Variants in ATP1A3 observed in about 807,000 individuals in gnomAD.
ATP1A3 encodes the protein ATPase Na+/K+ transporting subunit alpha 3, also known as sodium/potassium-transporting ATPase subunit alpha-3.
In ATP1A3, 12 loss-of-function variants were observed where a neutral mutation model predicts 108.8. The ratio of observed to expected loss-of-function variants is 0.11; its 90% confidence interval spans 0.07 to 0.18. The LOEUF (loss-of-function observed/expected upper bound fraction) is 0.18. ATP1A3 is among the 10% of genes least tolerant of loss of function. The pLI, the probability that ATP1A3 is intolerant of heterozygous loss-of-function variation, is 1.00. For missense variants in ATP1A3, 498 were observed against 1,387.7 expected (o/e 0.36, Z 10.19); for synonymous variants, 539 against 564.5 (o/e 0.95, Z 0.64).
Position 41,970,867 on chromosome 19 carries a change from C to T in ATP1A3, c.2264-325G>A, listed in dbSNP as rs537687932. Reference sequence around the variant, plus strand: ...CTGCATGGTCTCAATCTCCTGACCTCGTGATCTGCCCTCCTCGGCCTCCTG... The same window carrying T: ...CTGCATGGTCTCAATCTCCTGACCTTGTGATCTGCCCTCCTCGGCCTCCTG... On this transcript the variant is annotated intron_variant, in intron 16 of 22. Coordinates refer to ENST00000648268, the MANE Select transcript of ATP1A3 (RefSeq NM_152296.5). Among the ~76,000 whole-genome samples, 173 of 151,970 alleles carry T rather than the reference C, an allele frequency of 1.1e-3. 4 individuals are homozygous for T. The South Asian group carries it at 0.031, about 27-fold the overall frequency.
chr19:41,973,811 G>A (rs114375554), intron 16 of ATP1A3, among the ~76,000 whole-genome samples: 3,593 of 152,326 alleles, frequency 0.024, 136 homozygotes, highest in African/African-American at 0.081. Context: ...AGGAGCAGAC[G>A]GCTGTATCTG....
chr19:41,982,255 C>A, intron 8 of ATP1A3, 149 bp from the exon 9 acceptor site: 1 of 1,315,456 alleles, frequency 7.6e-7, no homozygotes, highest in South Asian at 1.2e-5. Context: ...CAATGCCACC[C>A]CCAATTCAGA....
intron 16 of ATP1A3, among the ~76,000 whole-genome samples, chr19:41,972,871 A>AAAGAAGGCAGGCAGGC (rs1555860248): frequency 4.5e-5 from 6 of 133,308 alleles, no homozygotes; most frequent in African/African-American, 1.8e-4. Flanking sequence ...AGAAGGAAGG[A>AAAGAAGGCAGGCAGGC]AGGCAGGCAG....
At chr19:41,987,196 T>C (rs1205852128) in intron 4 of ATP1A3, among the ~76,000 whole-genome samples, 1 of 145,524 alleles carries the variant, frequency 6.9e-6, no homozygotes, top group African/African-American at 2.6e-5. Flanking sequence ...TCTCTGTCTC[T>C]GTGTCTCCAG....
intron 8 of ATP1A3, 106 bp downstream of exon 8, chr19:41,984,812 C>T (rs2075270645): frequency 5.9e-6 from 8 of 1,359,648 alleles, no homozygotes; most frequent in Non-Finnish European, 7.0e-6. Flanking sequence ...CCTCTAGCCC[C>T]TCCTCCCTCA....
chr19:41,967,605 G>T lies in ATP1A3; in HGVS notation c.2921+57C>A. On this transcript the variant is annotated intron_variant, in intron 21 of 22. Transcript: ENST00000648268. This position sits in a 1 kb window ranked among gnomAD's most constrained non-coding sequence, Gnocchi z 4.2. Reference sequence around the variant, plus strand: ...GCCTGAGGTTCAGGCTGAGTCTAAGGGAAGGCTCCATGGCAGGCGCTGGTG... The same window carrying T: ...GCCTGAGGTTCAGGCTGAGTCTAAGTGAAGGCTCCATGGCAGGCGCTGGTG... 6.4e-7 allele frequency: 1 copy of T among 1,573,314 alleles called. No individual in the cohort carries two copies. Among genetic ancestry groups the T allele is most frequent in the Non-Finnish European group, 8.7e-7 (1 of 1,148,146 alleles).
At chr19:41,974,092 G>A (rs2075140902) in intron 16 of ATP1A3, among the ~76,000 whole-genome samples, 1 of 152,140 alleles carries the variant, frequency 6.6e-6, no homozygotes, top group African/African-American at 2.4e-5. Flanking sequence ...TTAGCCTGGT[G>A]TGGTGGCATG....
chr19:41,982,763 G>A lies in ATP1A3; in HGVS notation c.994-657C>T, dbSNP rs971845969. Reference sequence around the variant, plus strand: ...GCTGCCTGCACCTGCATGGGTGAACGTCAAAAACATGTTCAGCCAAAAAGA... The same window carrying A: ...GCTGCCTGCACCTGCATGGGTGAACATCAAAAACATGTTCAGCCAAAAAGA... On this transcript the variant is annotated intron_variant, in intron 8 of 22. Transcript: ENST00000648268. Among the ~76,000 whole-genome samples, 8 of 152,202 alleles carry A rather than the reference G, an allele frequency of 5.3e-5. No homozygotes were observed. The East Asian group carries it at 9.6e-4, about 18-fold the overall frequency.
At chr19:41,990,023 G>T (rs1425307118) in intron 1 of ATP1A3, among the ~76,000 whole-genome samples, 2 of 151,986 alleles carry the variant, frequency 1.3e-5, no homozygotes, top group African/African-American at 4.8e-5. Flanking sequence ...GTCTCTCTGG[G>T]TTCTTATTTC....
rs2075309640 is a variant in ATP1A3 at position 41,988,748 on chromosome 19, C to A, written c.7-186G>T. On this transcript the variant is annotated intron_variant, in intron 1 of 22. Transcript: ENST00000648268. The surrounding 1 kb of genome is among the most constrained non-coding windows in gnomAD (Gnocchi z 5.3). The stretch of plus-strand genomic sequence containing the variant: ...CTCCCGGAGCCTCTGGGTGACTTCA[C>A]CTCCCTTCTGCCTCTGGTGACTCTC... 1 of 1,246,250 alleles carries A rather than the reference C, an allele frequency of 8.0e-7. No individual in the cohort carries two copies. The allele number at this position is 1,246,250 out of a possible 1,614,324, so 77.2% of individuals were successfully genotyped here.
chr19:41,975,481 A>G, intron 16 of ATP1A3, 148 bp downstream of exon 16: 2 of 1,213,320 alleles, frequency 1.6e-6, no homozygotes, highest in Non-Finnish European at 2.3e-6. Context: ...GGGGAGGAAG[A>G]CAGAAAAGGA....
At chr19:41,987,491 G>GC (rs1321474666) in intron 4 of ATP1A3, among the ~76,000 whole-genome samples, 1 of 152,170 alleles carries the variant, frequency 6.6e-6, no homozygotes, top group African/African-American at 2.4e-5. Context: ...ACCCAGGTGA[G>GC]CAGCTCTGTG....
chr19:41,980,018 C>T (rs1422900680), intron 11 of ATP1A3, among the ~76,000 whole-genome samples: 2 of 152,250 alleles, frequency 1.3e-5, no homozygotes. Flanking sequence ...ACCACGCTCC[C>T]TGGCTCCCAG....
Position 41,985,939 on chromosome 19 carries a change from G to A in ATP1A3, c.531C>T (p.Val177=), listed in dbSNP as rs141696210. Residue 177 remains valine (V), a synonymous_variant, in exon 6 of 23, where the codon GTC becomes GTT. Coordinates refer to ENST00000648268, the MANE Select transcript of ATP1A3 (RefSeq NM_152296.5). This position sits in a 1 kb window ranked among gnomAD's most constrained non-coding sequence, Gnocchi z 8.2. ...KMQVNAEEVV[V]GDLVEIKGGD... ...CACCCTTGATCTCCACCAGGTCCCC[G>A]ACCACCACCTCCTCAGCGTTCACCT... The A allele has an allele frequency of 4.4e-5, 71 of 1,614,098 alleles. No individual in the cohort carries two copies. Among genetic ancestry groups the A allele is most frequent in the African/African-American group, 2.5e-4 (19 of 75,010 alleles).
chr19:41,971,617 G>A (rs557828018), intron 16 of ATP1A3, among the ~76,000 whole-genome samples: 6 of 152,272 alleles, frequency 3.9e-5, no homozygotes, highest in East Asian at 1.9e-4. Flanking sequence ...CTTGGATCCC[G>A]TGCTGAGTGA....
rs782279109 is a variant in ATP1A3, at chr19:41,978,372, C to A, written c.1631-46G>T. On this transcript the variant is annotated intron_variant, in intron 12 of 22. Coordinates refer to ENST00000648268, the MANE Select transcript of ATP1A3 (RefSeq NM_152296.5). The surrounding 1 kb of genome is among the most constrained non-coding windows in gnomAD (Gnocchi z 8.3). ...GGGTGTGAGGGTCCCAGCCTCGGAA[C>A]CTCCGCCCCATGCCCCTAGATGTCT... is the stretch of plus-strand genomic sequence containing the variant. The A allele has an allele frequency of 1.9e-6, 3 of 1,561,028 alleles. No individual in the cohort carries two copies. Among genetic ancestry groups the A allele is most frequent in the Admixed American group, 1.9e-5 (1 of 51,504 alleles).
At position 41,985,325 on chromosome 19, in the gene ATP1A3, A is replaced by G. The variant is rs782230953; in HGVS notation, c.705T>C (p.Phe235=). The change falls in exon 7 of 23, where the codon TTT becomes TTC. Residue 235 remains phenylalanine (F), a synonymous_variant. Coordinates refer to ENST00000648268, the MANE Select transcript of ATP1A3 (RefSeq NM_152296.5). The surrounding 1 kb of genome is among the most constrained non-coding windows in gnomAD (Gnocchi z 8.2). ...CCTCACCTTCCACACAGTTGGTGGA[A>G]AAGAAGGTGATGTTCCGAGTCTCCA... The part of the protein sequence containing the change: ...NPLETRNITF[F]STNCVEGTAR... 5 of 1,614,162 alleles carry G rather than the reference A, an allele frequency of 3.1e-6. No homozygotes were observed. The highest frequency in any genetic ancestry group is 4.2e-6 in the Non-Finnish European group (5 of 1,179,998).
intron 4 of ATP1A3, 99 bp downstream of exon 4, chr19:41,987,837 G>C: frequency 2.1e-6 from 3 of 1,413,504 alleles, no homozygotes; most frequent in Non-Finnish European, 9.9e-7. Flanking sequence ...AAGGGGGAGA[G>C]TGGGCTGTGA....
rs1599715341 is a variant in ATP1A3, at chr19:41,978,167, C to T, written c.1790G>A (p.Arg597His). 6.2e-7 allele frequency: 1 copy of T among 1,614,174 alleles called. No homozygotes were observed. The highest frequency in any genetic ancestry group is 8.5e-7 in the Non-Finnish European group (1 of 1,180,030). ...AAVPDAVGKCRSAGIKVIMVT... is the reference protein window; with the variant it reads ...AAVPDAVGKCHSAGIKVIMVT... Reference sequence around the variant, plus strand: ...AAGCCACACCTTGATGCCTGCGCTGCGACACTTGCCCACCGCGTCAGGGAC... The same window carrying T: ...AAGCCACACCTTGATGCCTGCGCTGTGACACTTGCCCACCGCGTCAGGGAC... Residue 597 changes from arginine to histidine, a missense_variant, in exon 13 of 23, where the codon CGC (arginine) becomes CAC (histidine). Arg to His is a conservative substitution (Grantham distance 29, BLOSUM62 0). Coordinates refer to ENST00000648268, the MANE Select transcript of ATP1A3 (RefSeq NM_152296.5). This position sits in a 1 kb window ranked among gnomAD's most constrained non-coding sequence, Gnocchi z 8.3.
Sources: gnomAD v4.1 joint callset for allele counts (sites outside exome capture counted in the v4.1 genomes callset) on GRCh38, gnomAD v4.1.1 for gene constraint, Gnocchi (gnomAD v3.1) non-coding constraint, MANE v1.5 for transcripts, NCBI Gene and HGNC (gene_info 2026-07-23, HGNC 2026-07-21) for gene names.